The following FBLN1 variants were observed in gnomAD, a reference collection of about 807,000 sequenced individuals.
FBLN1 encodes fibulin-1.
In FBLN1, 34 loss-of-function variants were observed where a neutral mutation model predicts 89.7. The observed-to-expected ratio is 0.38, with a 90% CI of 0.29 to 0.50. The LOEUF (loss-of-function observed/expected upper bound fraction) is 0.50, where lower values mean the gene tolerates loss of function less well. Among genes scored for constraint, FBLN1 ranks in the 20% least tolerant of loss-of-function variants. FBLN1 has a pLI of 0.92. For missense variants in FBLN1, 777 were observed against 988.1 expected (o/e 0.79, Z 2.86); for synonymous variants, 393 against 391.3 (o/e 1.00, Z -0.05).
intron 16 of FBLN1, among the ~76,000 whole-genome samples, chr22:45,599,750 T>A (rs1195081216): frequency 1.3e-5 from 2 of 152,004 alleles, no homozygotes; most frequent in Non-Finnish European, 2.9e-5. Context: ...AAACCCCGTC[T>A]CTACTAAAAA....
chr22:45,543,559 CA>C, intron 11 of FBLN1, 33 bp downstream of exon 11: 2 of 1,608,992 alleles, frequency 1.2e-6, no homozygotes, highest in Non-Finnish European at 1.7e-6. Context: ...TCACCTCCCC[CA>C]GGTCACCTTC....
At position 45,588,690 on chromosome 22, in the gene FBLN1, T is replaced by G. The variant is rs769299224; in HGVS notation, c.1972+11582T>G. On this transcript the variant is annotated intron_variant, in intron 16 of 16. Coordinates refer to ENST00000327858, the MANE Select transcript of FBLN1 (RefSeq NM_006486.3). The surrounding 1 kb of genome is among the most constrained non-coding windows in gnomAD (Gnocchi z 5.1). ...CCGCAGGAATGATTTGTGACCCTCT[T>G]AGGCTGCTGGTCTGCACCTTCTGAA... Among the ~76,000 whole-genome samples, 1 of 152,122 alleles carries G rather than the reference T, an allele frequency of 6.6e-6. No individual in the cohort carries two copies. The highest frequency in any genetic ancestry group is 1.5e-5 in the Non-Finnish European group (1 of 68,034).
intron 11 of FBLN1, among the ~76,000 whole-genome samples, chr22:45,544,734 G>A (rs1018338159): frequency 4.9e-4 from 75 of 152,172 alleles, no homozygotes; most frequent in Non-Finnish European, 7.3e-5. Flanking sequence ...CTGAAGTTGG[G>A]TCAGGTCTCT....
In FBLN1 at chr22:45,535,180, C is replaced by CT; in HGVS notation, c.785-13dup. On this transcript the variant is annotated intron_variant, in intron 7 of 16. Transcript: ENST00000327858. ...TGGCAGGACTCTTGCTAACAATTTC[C>CT]TTTTTTTATGATGTACCAGATATTG... The CT allele has an allele frequency of 3.7e-6, 6 of 1,613,912 alleles. No individual in the cohort carries two copies. Among genetic ancestry groups the CT allele is most frequent in the Non-Finnish European group, 5.1e-6 (6 of 1,179,884 alleles).
rs916750885 is a variant in FBLN1 at position 45,579,916 on chromosome 22, G to A, written c.1972+2808G>A. Among the ~76,000 whole-genome samples the A allele has an allele frequency of 5.3e-5, 8 of 152,044 alleles. No homozygotes were observed. The highest frequency in any genetic ancestry group is 7.2e-5 in the African/African-American group (3 of 41,392). ...ACACGGCTCCTGGCCTGTCCACCTG[G>A]TAATAGATGGTTCCACCGTTGGACT... is the stretch of plus-strand genomic sequence containing the variant. On this transcript the variant is annotated intron_variant, in intron 16 of 16. Coordinates refer to ENST00000327858, the MANE Select transcript of FBLN1 (RefSeq NM_006486.3). The surrounding 1 kb of genome is among the most constrained non-coding windows in gnomAD (Gnocchi z 5.5).
In FBLN1 at chr22:45,548,627, G is replaced by A. The variant is rs199895556; in HGVS notation, c.1456G>A (p.Ala486Thr). The A allele has an allele frequency of 2.2e-5, 35 of 1,613,642 alleles. No individual in the cohort carries two copies. In the African/African-American group the frequency reaches 2.3e-4, roughly 10 times the overall value. Residue 486 changes from alanine (A) to threonine (T), a missense_variant, in exon 13 of 17, where the codon GCC becomes ACC. Transcript: ENST00000327858. ...TGCCGTTGCAGACATCGACGAGTGC[G>A]CCCTGCCCACCGGGGGCCACATCTG... ...GVTCEDIDEC[A>T]LPTGGHICSY...
Position 45,533,849 on chromosome 22 carries a change from C to G in FBLN1, c.735C>G (p.Asp245Glu), listed in dbSNP as rs972747723. The change falls in exon 7 of 17, where the codon GAC (aspartate) becomes GAG (glutamate). Residue 245 changes from aspartate (D) to glutamate (E), a missense_variant. Asp to Glu is a conservative substitution (Grantham distance 45, BLOSUM62 2). Coordinates refer to ENST00000327858, the MANE Select transcript of FBLN1 (RefSeq NM_006486.3). ...NTVGSFRCQRDSSCGTGYELT... is the reference protein window; with the variant it reads ...NTVGSFRCQRESSCGTGYELT... ...TGGGCTCTTTCCGCTGCCAGCGGGA[C>G]AGCAGCTGCGGGACTGGCTATGAGC... 7 of 1,614,138 alleles carry G rather than the reference C, an allele frequency of 4.3e-6. No individual in the cohort carries two copies. Among genetic ancestry groups the G allele is most frequent in the Non-Finnish European group, 5.9e-6 (7 of 1,180,042 alleles).
In FBLN1 at chr22:45,535,313, C is replaced by A; in HGVS notation, c.898C>A (p.Gln300Lys). 6.2e-7 allele frequency: 1 copy of A among 1,614,212 alleles called. No homozygotes were observed. The highest frequency in any genetic ancestry group is 8.5e-7 in the Non-Finnish European group (1 of 1,180,034). The change falls in exon 8 of 17, where the codon CAA becomes AAA. Residue 300 changes from glutamine (Q) to lysine (K), a missense_variant. Transcript: ENST00000327858. The stretch of plus-strand genomic sequence containing the variant: ...GCTACAGTGCAAGAGTGGCTTTATA[C>A]AAGATGCTCTAGGCAACTGTATTGG... ...PKLQCKSGFI[Q>K]DALGNCIDIN...
chr22:45,539,205 C>CT (rs549125499), intron 8 of FBLN1, among the ~76,000 whole-genome samples: 20,203 of 93,658 alleles, frequency 0.22, 3,221 homozygotes, highest in South Asian at 0.3. Context: ...TTCTTTTCTT[C>CT]TTTTTTTTTT....
intron 7 of FBLN1, among the ~76,000 whole-genome samples, chr22:45,534,445 C>G (rs1208839324): frequency 6.6e-6 from 1 of 152,226 alleles, no homozygotes; most frequent in East Asian, 1.9e-4. Context: ...TGGCTGCCAG[C>G]CTTTCCCCGC....
Position 45,550,312 on chromosome 22 carries a change from A to G in FBLN1, c.1574-180A>G, listed in dbSNP as rs916961407. On this transcript the variant is annotated intron_variant, in intron 13 of 16. Transcript: ENST00000327858. This position sits in a 1 kb window ranked among gnomAD's most constrained non-coding sequence, Gnocchi z 8.4. ...AAGTTAACACTCTATAAATGTAAAT[A>G]CCCTATAAATGTAAGAACTGGCACA... 7.9e-5 allele frequency among the ~76,000 whole-genome samples: 12 copies of G among 152,174 alleles called. No homozygotes were observed. Among genetic ancestry groups the G allele is most frequent in the Admixed American group, 7.9e-4 (12 of 15,286 alleles).
At chr22:45,591,560 A>G (rs909701242) in intron 16 of FBLN1, among the ~76,000 whole-genome samples, 8 of 152,142 alleles carry the variant, frequency 5.3e-5, no homozygotes, top group African/African-American at 1.9e-4. Flanking sequence ...TTGCTGAGAC[A>G]TGTTGACTGA....
chr22:45,550,187 A>G lies in FBLN1; in HGVS notation c.1574-305A>G, dbSNP rs2088683606. Among the ~76,000 whole-genome samples, 1 of 152,174 alleles carries G rather than the reference A, an allele frequency of 6.6e-6. No homozygotes were observed. Among genetic ancestry groups the G allele is most frequent in the Admixed American group, 6.6e-5 (1 of 15,262 alleles). On this transcript the variant is annotated intron_variant, in intron 13 of 16. Transcript: ENST00000327858. This position sits in a 1 kb window ranked among gnomAD's most constrained non-coding sequence, Gnocchi z 8.4. The stretch of plus-strand genomic sequence containing the variant: ...ACAGTATCTGCCTCATTGAGTTCTT[A>G]GGAGGATTCAGTGACTTATCCTTGC...
chr22:45,594,695 T>TGG (rs201766931), intron 16 of FBLN1, among the ~76,000 whole-genome samples: 11,608 of 145,492 alleles, frequency 0.08, 588 homozygotes, highest in South Asian at 0.16. Flanking sequence ...GATTGGTGGA[T>TGG]AGATGGATGG....
In FBLN1 at chr22:45,530,843, A is replaced by C. The variant is rs1037597485; in HGVS notation, c.485-422A>C. Among the ~76,000 whole-genome samples, 1 of 152,116 alleles carries C rather than the reference A, an allele frequency of 6.6e-6. No homozygotes were observed. Among genetic ancestry groups the C allele is most frequent in the South Asian group, 2.1e-4 (1 of 4,812 alleles). ...CAATGGTGTGATCTTGACTCACTGCAACCTCCGACTCCTGAGTTCAAGCGA... is the reference window on the plus strand; with the variant it reads ...CAATGGTGTGATCTTGACTCACTGCCACCTCCGACTCCTGAGTTCAAGCGA... On this transcript the variant is annotated intron_variant, in intron 4 of 16. Transcript: ENST00000327858. This position sits in a 1 kb window ranked among gnomAD's most constrained non-coding sequence, Gnocchi z 5.4.
intron 1 of FBLN1, among the ~76,000 whole-genome samples, chr22:45,508,857 G>C (rs1343495313): frequency 6.6e-6 from 1 of 152,180 alleles, no homozygotes; most frequent in African/African-American, 2.4e-5. Flanking sequence ...GACAGTGTCT[G>C]GCTCAGACTC....
Position 45,557,808 on chromosome 22 carries a change from C to G in FBLN1, c.1697+7193C>G, listed in dbSNP as rs1357014821. ...TTTCCAATCATGCTTCTTCCAAGTC[C>G]CTGACCATCCAGCCAAACCATTGGC... On this transcript the variant is annotated intron_variant, in intron 14 of 16. Coordinates refer to ENST00000327858, the MANE Select transcript of FBLN1 (RefSeq NM_006486.3). The surrounding 1 kb of genome is among the most constrained non-coding windows in gnomAD (Gnocchi z 4.9). 6.6e-6 allele frequency among the ~76,000 whole-genome samples: 1 copy of G among 152,194 alleles called. No individual in the cohort carries two copies. The highest frequency in any genetic ancestry group is 2.4e-5 in the African/African-American group (1 of 41,440).
chr22:45,518,508 GCTGGGGT>G, intron 1 of FBLN1, 167 bp from the exon 2 acceptor site: 1 of 661,042 alleles, frequency 1.5e-6, no homozygotes, highest in Non-Finnish European at 2.8e-6. Flanking sequence ...TGGACTCGCA[GCTGGGGT>G]CTGGTGGGGT....
In FBLN1 at chr22:45,576,851, ATGT is replaced by A. The variant is rs2089001460; in HGVS notation, c.1841-122_1841-120del. ...ACACAGGGGATCTCTGGCTTCATTG[ATGT>A]TGTCTCATGAAAGGGCCCTGGGTTA... is the stretch of plus-strand genomic sequence containing the variant. On this transcript the variant is annotated intron_variant, in intron 15 of 16. Coordinates refer to ENST00000327858, the MANE Select transcript of FBLN1 (RefSeq NM_006486.3). This position sits in a 1 kb window ranked among gnomAD's most constrained non-coding sequence, Gnocchi z 5.2. 1 of 1,115,296 alleles carries A rather than the reference ATGT, an allele frequency of 9.0e-7. No individual in the cohort carries two copies. The highest frequency in any genetic ancestry group is 1.3e-6 in the Non-Finnish European group (1 of 758,100). 69.1% of individuals were successfully genotyped at this position (1,115,296 alleles called of 1,614,324 possible).
Sources: gnomAD v4.1 joint callset for allele counts (sites outside exome capture counted in the v4.1 genomes callset) on GRCh38, gnomAD v4.1.1 for gene constraint, Gnocchi (gnomAD v3.1) non-coding constraint, MANE v1.5 for transcripts, NCBI Gene and HGNC (gene_info 2026-07-23, HGNC 2026-07-21) for gene names.